SGCD: variants seen among roughly 807,000 people sequenced by gnomAD.
SGCD encodes delta-sarcoglycan.
A neutral mutation model predicts 36.6 loss-of-function variants in SGCD; 18 were observed. The observed-to-expected ratio is 0.49, with a 90% CI of 0.34 to 0.73. SGCD has a LOEUF of 0.73. Among genes scored for constraint, SGCD ranks in the 30% least tolerant of loss-of-function variants. The pLI is 0.01. For missense variants in SGCD, 387 were observed against 346.7 expected (o/e 1.12, Z -0.92); for synonymous variants, 133 against 130.6 (o/e 1.02, Z -0.12).
chr5:155,924,426 T>A (rs1756953244), intron 1 of SGCD, among the ~76,000 whole-genome samples: 1 of 152,194 alleles, frequency 6.6e-6, no homozygotes. Flanking sequence ...CTCTTCCACA[T>A]CTATTTTAAT....
the SGCD span, among the ~76,000 whole-genome samples, chr5:155,783,537 A>T: frequency 9.6e-5 from 14 of 145,588 alleles, no homozygotes; most frequent in East Asian, 2.0e-4. Context: ...CTAAAAAGGA[A>T]TTTTTTTTTT....
chr5:156,399,439 C>T (rs1180791674), intron 3 of SGCD, among the ~76,000 whole-genome samples: 1 of 152,184 alleles, frequency 6.6e-6, no homozygotes, highest in African/African-American at 2.4e-5. Context: ...TCCAAAAGAT[C>T]AGAGGACCTA....
intron 2 of SGCD, among the ~76,000 whole-genome samples, chr5:156,120,068 A>G (rs1284540201): frequency 2.6e-5 from 4 of 152,102 alleles, no homozygotes; most frequent in East Asian, 1.9e-4. Flanking sequence ...TTATTTTACC[A>G]TATAATAGCA....
At chr5:156,582,625 T>C (rs71591063) in intron 4 of SGCD, among the ~76,000 whole-genome samples, 1 of 152,180 alleles carries the variant, frequency 6.6e-6, no homozygotes, top group Non-Finnish European at 1.5e-5. Context: ...AGAAAATATA[T>C]CAGTATTTTT....
upstream of SGCD, chr5:156,327,017 A>G (rs1015516975): frequency 6.6e-6 from 1 of 152,330 alleles, no homozygotes; most frequent in African/African-American, 2.4e-5. Flanking sequence ...AAGCAGTCAG[A>G]AAAAGAACGG....
intron 2 of SGCD, among the ~76,000 whole-genome samples, chr5:156,122,080 T>G (rs1454923314): frequency 6.6e-6 from 1 of 152,184 alleles, no homozygotes; most frequent in African/African-American, 2.4e-5. Context: ...TAGAAGACAT[T>G]CATCTAGTCA....
chr5:156,021,988 C>T (rs1278547923), intron 1 of SGCD, among the ~76,000 whole-genome samples: 1 of 152,148 alleles, frequency 6.6e-6, no homozygotes, highest in Non-Finnish European at 1.5e-5. Flanking sequence ...ACAATATTTT[C>T]ATCACCCCCA....
At chr5:155,989,590 T>C (rs1201009226) in intron 1 of SGCD, among the ~76,000 whole-genome samples, 2 of 152,152 alleles carry the variant, frequency 1.3e-5, no homozygotes, top group African/African-American at 2.4e-5. Context: ...CCAAGTGGAA[T>C]TTTAATGTAC....
the SGCD span, among the ~76,000 whole-genome samples, chr5:155,822,215 T>A: frequency 6.6e-6 from 1 of 152,192 alleles, no homozygotes; most frequent in African/African-American, 2.4e-5. Flanking sequence ...ACACATATTA[T>A]CAAAATAATT....
At chr5:156,021,777 G>C (rs892803037) in intron 1 of SGCD, among the ~76,000 whole-genome samples, 3 of 152,258 alleles carry the variant, frequency 2.0e-5, no homozygotes, top group Admixed American at 6.5e-5. Flanking sequence ...CCAGAGGAAG[G>C]AGCATGAGGG....
At chr5:156,069,873 T>A (rs975523287) in intron 1 of SGCD, among the ~76,000 whole-genome samples, 8 of 152,082 alleles carry the variant, frequency 5.3e-5, no homozygotes, top group Admixed American at 3.9e-4. Flanking sequence ...TTCCTAGGTA[T>A]TTTATTCTCT....
At chr5:155,974,237 C>T (rs915871358) in intron 1 of SGCD, among the ~76,000 whole-genome samples, 3 of 152,040 alleles carry the variant, frequency 2.0e-5, no homozygotes, top group African/African-American at 4.8e-5. Context: ...TTTGGGCTCA[C>T]GTGCAGTAGA....
In SGCD at chr5:156,759,273, G is replaced by C; in HGVS notation, c.756G>C (p.Thr252=). Residue 252 remains threonine (T), a synonymous_variant, in exon 9 of 9, where the codon ACG becomes ACC. Coordinates refer to ENST00000337851, the MANE Select transcript of SGCD (RefSeq NM_000337.6). ...CTAGACTGCCTCATGGATCCTACAC[G>C]CCTACAGGAACGAGGCAGAAGGTCT... is the stretch of plus-strand genomic sequence containing the variant. ...RLPRLPHGSY[T]PTGTRQKVFE... The C allele has an allele frequency of 2.5e-6, 4 of 1,613,592 alleles. No individual in the cohort carries two copies. Among genetic ancestry groups the C allele is most frequent in the Non-Finnish European group, 3.4e-6 (4 of 1,179,570 alleles).
rs70984404 is a variant in SGCD, at chr5:156,333,783, A to ATTTTTTTTTTTTTTTT, written c.3+4226_3+4241dup. Among the ~76,000 whole-genome samples, 24 of 19,966 alleles carry ATTTTTTTTTTTTTTTT rather than the reference A, an allele frequency of 1.2e-3. 7 individuals carry two copies. The highest frequency in any genetic ancestry group is 2.5e-3 in the African/African-American group (13 of 5,236). 13.1% of individuals were successfully genotyped at this position (19,966 alleles called of 152,430 possible). ...GTGCTTTCTTTATGTTAGAAAAGTG[A>ATTTTTTTTTTTTTTTT]TTTTTTTTTTTTTTTTTTTTTTTTT... On this transcript the variant is annotated intron_variant, in intron 2 of 8. Coordinates refer to ENST00000337851, the MANE Select transcript of SGCD (RefSeq NM_000337.6).
intron 6 of SGCD, among the ~76,000 whole-genome samples, chr5:156,598,627 C>G (rs1761037965): frequency 6.6e-6 from 1 of 152,168 alleles, no homozygotes; most frequent in Non-Finnish European, 1.5e-5. Flanking sequence ...TATCTCACAC[C>G]CAGATCATTC....
At chr5:156,280,570 C>G (rs1325195032) in intron 3 of SGCD, among the ~76,000 whole-genome samples, 5 of 152,168 alleles carry the variant, frequency 3.3e-5, no homozygotes, top group Non-Finnish European at 7.3e-5. Flanking sequence ...TTTCTTCTCT[C>G]TTTGGGTTCT....
chr5:156,597,187 A>G (rs1760961238), intron 6 of SGCD, among the ~76,000 whole-genome samples: 1 of 152,166 alleles, frequency 6.6e-6, no homozygotes, highest in South Asian at 2.1e-4. Flanking sequence ...AATGTTTTCC[A>G]GTGACCAAAG....
chr5:156,344,465 T>TCTCTCTTGC (rs1768836900), intron 2 of SGCD, 24 bp from the exon 3 acceptor site: 1 of 1,516,744 alleles, frequency 6.6e-7, no homozygotes, highest in African/African-American at 1.4e-5. Context: ...TGTGAGTGCT[T>TCTCTCTTGC]CTCTCTTGCC....
At chr5:155,829,409 C>G in the SGCD span, among the ~76,000 whole-genome samples, 1 of 152,110 alleles carries the variant, frequency 6.6e-6, no homozygotes, top group Admixed American at 6.6e-5. Flanking sequence ...CTAATAATGC[C>G]TTGAAAATAG....
Sources: gnomAD v4.1 joint callset for allele counts (sites outside exome capture counted in the v4.1 genomes callset) on GRCh38, gnomAD v4.1.1 for gene constraint, MANE v1.5 for transcripts, NCBI Gene and HGNC (gene_info 2026-07-23, HGNC 2026-07-21) for gene names.